SORCS2: variants seen among roughly 807,000 people sequenced by gnomAD.
The protein encoded by SORCS2 is sortilin related VPS10 domain containing receptor 2, also known as VPS10 domain-containing receptor SorCS2.
A neutral mutation model predicts 141.6 loss-of-function variants in SORCS2; 100 were observed. The ratio of observed to expected loss-of-function variants is 0.71; its 90% CI spans 0.60 to 0.83. The LOEUF is 0.83. Among genes scored for constraint, SORCS2 ranks in the 40% least tolerant of loss-of-function variants. SORCS2 has a pLI of 0.00. For synonymous variants in SORCS2, 789 were observed against 676.9 expected, an observed-to-expected ratio of 1.17 and a Z score of -2.57; for missense variants, 1,646 against 1,560.2, an observed-to-expected ratio of 1.05 and a Z score of -0.93.
chr4:7,372,182 G>A (rs918594435), intron 1 of SORCS2, among the ~76,000 whole-genome samples: 3 of 152,214 alleles, frequency 2.0e-5, no homozygotes, highest in Admixed American at 6.5e-5. Flanking sequence ...TGGATGATGC[G>A]TGTGAATCTG....
intron 2 of SORCS2, among the ~76,000 whole-genome samples, chr4:7,460,362 C>T (rs1729219593): frequency 6.6e-6 from 1 of 152,260 alleles, no homozygotes; most frequent in Admixed American, 6.5e-5. Context: ...AACGCAGCTT[C>T]CACGGGCCCC....
At chr4:7,417,041 C>T (rs1165797223) in intron 2 of SORCS2, among the ~76,000 whole-genome samples, 1 of 152,060 alleles carries the variant, frequency 6.6e-6, no homozygotes, top group Admixed American at 6.5e-5. Context: ...GACATTCTGC[C>T]CTGGGGATAT....
chr4:7,672,075 T>C (rs1221334281), intron 8 of SORCS2, among the ~76,000 whole-genome samples: 1 of 151,752 alleles, frequency 6.6e-6, no homozygotes, highest in East Asian at 1.9e-4. Flanking sequence ...TCCTGAGTAG[T>C]TGGGATTACA....
intron 2 of SORCS2, among the ~76,000 whole-genome samples, chr4:7,483,322 C>CAAAAA (rs34942012): frequency 4.0e-5 from 3 of 75,784 alleles, no homozygotes; most frequent in African/African-American, 9.6e-5. Context: ...GACTCCATCT[C>CAAAAA]AAAAAAAAAA....
At chr4:7,433,061 C>G in intron 2 of SORCS2, 1 of 337,388 alleles carries the variant, frequency 3.0e-6, no homozygotes, top group Non-Finnish European at 5.3e-6. Context: ...GAGAGGGCAG[C>G]CTTGGCTGGG....
intron 1 of SORCS2, among the ~76,000 whole-genome samples, chr4:7,291,366 G>C (rs1172177604): frequency 6.6e-6 from 1 of 152,154 alleles, no homozygotes. Context: ...TCCACGCCTG[G>C]CCCATGGGAG....
At chr4:7,605,508 T>C (rs1718002858) in intron 3 of SORCS2, among the ~76,000 whole-genome samples, 1 of 152,124 alleles carries the variant, frequency 6.6e-6, no homozygotes, top group Non-Finnish European at 1.5e-5. Flanking sequence ...TGCCTCCACT[T>C]GGGGTTTTGG....
intron 3 of SORCS2, among the ~76,000 whole-genome samples, chr4:7,634,144 C>T (rs975516784): frequency 3.3e-5 from 5 of 151,094 alleles, no homozygotes; most frequent in African/African-American, 9.7e-5. Context: ...GAGGCCAAGG[C>T]GGTTGGATCA....
At chr4:7,604,134 G>A (rs1480024198) in intron 3 of SORCS2, among the ~76,000 whole-genome samples, 4 of 152,100 alleles carry the variant, frequency 2.6e-5, no homozygotes, top group African/African-American at 4.8e-5. Flanking sequence ...AGATGGGCAG[G>A]TCTCTGGCCA....
At chr4:7,639,896 A>G (rs1720545750) in intron 4 of SORCS2, among the ~76,000 whole-genome samples, 1 of 144,604 alleles carries the variant, frequency 6.9e-6, no homozygotes, top group African/African-American at 2.6e-5. Context: ...TGTGCACGTG[A>G]AAGTGTGTTT....
At chr4:7,416,740 A>ATG (rs796552951) in intron 2 of SORCS2, among the ~76,000 whole-genome samples, 12 of 124,352 alleles carry the variant, frequency 9.7e-5, no homozygotes, top group African/African-American at 2.4e-4. Context: ...ACACGCATGC[A>ATG]CACACACTTG....
At chr4:7,442,953 C>G (rs1727770994) in intron 2 of SORCS2, among the ~76,000 whole-genome samples, 1 of 152,154 alleles carries the variant, frequency 6.6e-6, no homozygotes, top group Non-Finnish European at 1.5e-5. Context: ...CTCCCAGGTT[C>G]TGGTGGGGGC....
intron 3 of SORCS2, among the ~76,000 whole-genome samples, chr4:7,621,166 G>C (rs75025470): frequency 6.6e-6 from 1 of 152,214 alleles, no homozygotes. Flanking sequence ...GCCCAGCGGA[G>C]ATGTGGCAGC....
intron 1 of SORCS2, among the ~76,000 whole-genome samples, chr4:7,195,696 G>A (rs1416248686): frequency 2.6e-5 from 4 of 152,216 alleles, no homozygotes; most frequent in Admixed American, 6.5e-5. Context: ...AGCACACGCC[G>A]TGTCTTAGAA....
At position 7,664,549 on chromosome 4, in the gene SORCS2, C is replaced by T. The variant is rs768966790; in HGVS notation, c.1071+78C>T. 3.8e-6 allele frequency: 4 copies of T among 1,040,776 alleles called. No homozygotes were observed. Among genetic ancestry groups the T allele is most frequent in the African/African-American group, 1.6e-5 (1 of 61,966 alleles). The allele number at this position is 1,040,776 out of a possible 1,614,324, so 64.5% of individuals were successfully genotyped here. A position where few individuals can be genotyped will look rare whatever the true frequency, so the allele number is the denominator to read the frequency against. On this transcript the variant is annotated intron_variant, in intron 7 of 26. Transcript: ENST00000507866. This position sits in a 1 kb window ranked among gnomAD's most constrained non-coding sequence, Gnocchi z 4.7. ...GACCCGTTCGCGGCAAAAATGGCAT[C>T]GCTCAGAAAAGAGGCAATAAAACGG...
chr4:7,724,880 G>GCAGTGATGATGGTGGAGGTGA (rs1560114929), intron 19 of SORCS2, among the ~76,000 whole-genome samples: 2 of 73,810 alleles, frequency 2.7e-5, no homozygotes, highest in South Asian at 9.1e-4. Flanking sequence ...AGTGGTGATG[G>GCAGTGATGATGGTGGAGGTGA]TGGTGGTGTT....
In SORCS2 at chr4:7,697,180, CCTTTT is replaced by C; in HGVS notation, c.1592-12_1592-8del. 1 of 1,565,148 alleles carries C rather than the reference CCTTTT, an allele frequency of 6.4e-7. No homozygotes were observed. Among genetic ancestry groups the C allele is most frequent in the Non-Finnish European group, 8.7e-7 (1 of 1,154,052 alleles). ...GGACGATCCTAAGGGTAGTACTGCC[CCTTTT>C]CTTTTGGACCAGGTAACCTGGGCTC... On this transcript the variant is annotated splice_polypyrimidine_tract_variant and intron_variant, in intron 11 of 26. Coordinates refer to ENST00000507866, the MANE Select transcript of SORCS2 (RefSeq NM_020777.3).
chr4:7,336,095 G>A (rs952236604), intron 1 of SORCS2, among the ~76,000 whole-genome samples: 1 of 152,218 alleles, frequency 6.6e-6, no homozygotes, highest in Non-Finnish European at 1.5e-5. Flanking sequence ...GGTGACAATT[G>A]CCAGCTTCCG....
chr4:7,427,058 C>T (rs539314557), intron 2 of SORCS2, among the ~76,000 whole-genome samples: 9 of 152,130 alleles, frequency 5.9e-5, no homozygotes, highest in East Asian at 3.9e-4. Context: ...ATTGAGCCCT[C>T]GCCTGCCTTG....
Sources: gnomAD v4.1 joint callset for allele counts (sites outside exome capture counted in the v4.1 genomes callset) on GRCh38, gnomAD v4.1.1 for gene constraint, Gnocchi (gnomAD v3.1) non-coding constraint, MANE v1.5 for transcripts, NCBI Gene and HGNC (gene_info 2026-07-23, HGNC 2026-07-21) for gene names.